Variants in SNX11 observed in about 807,000 individuals in gnomAD.
The protein encoded by SNX11 is sorting nexin 11.
Under a neutral mutation model 30.7 loss-of-function variants are expected in SNX11, and 19 were observed. The observed-to-expected ratio is 0.62, with a 90% CI of 0.43 to 0.91. The LOEUF is 0.91. Ranked by LOEUF, SNX11 falls within the 40% of genes least tolerant of loss-of-function variation. The probability of loss-of-function intolerance (pLI) is 0.00; values close to 1 mark genes in which losing one functional copy is unlikely to be tolerated. For synonymous variants in SNX11, 112 were observed against 119.0 expected, an observed-to-expected ratio of 0.94 and a Z score of 0.38; for missense variants, 302 against 326.7, an observed-to-expected ratio of 0.92 and a Z score of 0.58.
chr17:48,118,080 A>G (rs1193291664), intron 4 of SNX11, among the ~76,000 whole-genome samples: 3 of 152,206 alleles, frequency 2.0e-5, no homozygotes, highest in Non-Finnish European at 4.4e-5. Context: ...CATGGGTTTT[A>G]TAGTCATAGA....
Position 48,112,667 on chromosome 17 carries a change from A to T in SNX11, c.129+7A>T. 6.3e-7 allele frequency: 1 copy of T among 1,598,926 alleles called. No homozygotes were observed. Among genetic ancestry groups the T allele is most frequent in the Non-Finnish European group, 8.6e-7 (1 of 1,166,746 alleles). On this transcript the variant is annotated splice_region_variant and intron_variant, in intron 3 of 6. Coordinates refer to ENST00000359238, the MANE Select transcript of SNX11 (RefSeq NM_013323.3). The stretch of plus-strand genomic sequence containing the variant: ...TTATAAGATATTCCTCCATGTGAGT[A>T]CATCAAGCTTCTGTATTGGGGTCAG...
intron 2 of SNX11, 74 bp downstream of exon 2, chr17:48,112,159 A>G: frequency 7.7e-7 from 1 of 1,292,490 alleles, no homozygotes; most frequent in Non-Finnish European, 1.1e-6. Context: ...GGACATAGAG[A>G]TGCAAATCAT....
intron 4 of SNX11, among the ~76,000 whole-genome samples, chr17:48,114,519 ACAATCTCGGCTTACTG>A (rs1272364109): frequency 7.5e-6 from 1 of 132,810 alleles, no homozygotes; most frequent in East Asian, 2.2e-4. Context: ...GTGCAGTGGT[ACAATCTCGGCTTACTG>A]CAACCTCCGC....
At chr17:48,118,936 G>A in intron 5 of SNX11, 38 bp from the exon 6 acceptor site, 1 of 1,600,866 alleles carries the variant, frequency 6.2e-7, no homozygotes, top group South Asian at 1.1e-5. Context: ...AGTTCCTCAG[G>A]GTGATGCTCT....
chr17:48,111,300 G>A (rs2063489532), intron 1 of SNX11, among the ~76,000 whole-genome samples: 1 of 152,090 alleles, frequency 6.6e-6, no homozygotes, highest in Admixed American at 6.6e-5. Flanking sequence ...GGTGTTTGTG[G>A]GGACTTGGTT....
rs2063509539 is a variant in SNX11, at chr17:48,113,335, G to A, written c.164G>A (p.Cys55Tyr). 6.2e-7 allele frequency: 1 copy of A among 1,613,566 alleles called. No individual in the cohort carries two copies. Among genetic ancestry groups the A allele is most frequent in the South Asian group, 1.1e-5 (1 of 91,078 alleles). ...AAAGCCTTTACTGCCAAGACTTCCT[G>A]TGTGCGGCGCCGCTACCGTGAGTTC... ...NSKAFTAKTSCVRRRYREFVW... is the reference protein window; with the variant it reads ...NSKAFTAKTSYVRRRYREFVW... The change falls in exon 4 of 7, where the codon TGT (cysteine) becomes TAT (tyrosine). Residue 55 changes from cysteine (C) to tyrosine (Y), a missense_variant. Cys to Tyr is a radical substitution (Grantham distance 194). Coordinates refer to ENST00000359238, the MANE Select transcript of SNX11 (RefSeq NM_013323.3).
chr17:48,116,187 G>A (rs1163157283), intron 4 of SNX11, among the ~76,000 whole-genome samples: 1 of 152,066 alleles, frequency 6.6e-6, no homozygotes, highest in Non-Finnish European at 1.5e-5. Flanking sequence ...GAACCTGGGA[G>A]GCAGAGGTTG....
intron 4 of SNX11, among the ~76,000 whole-genome samples, chr17:48,117,386 T>C (rs991474223): frequency 3.0e-4 from 45 of 151,658 alleles, no homozygotes; most frequent in African/African-American, 1.1e-3. Flanking sequence ...TCCCGAGTAG[T>C]TGGGACTACA....
intron 4 of SNX11, among the ~76,000 whole-genome samples, chr17:48,115,119 T>C (rs1167776033): frequency 2.0e-5 from 3 of 147,604 alleles, no homozygotes; most frequent in Non-Finnish European, 3.0e-5. Context: ...TGGAGTACAA[T>C]GGTGTGATCT....
intron 2 of SNX11, 76 bp from the exon 3 acceptor site, chr17:48,112,498 G>A: frequency 1.1e-6 from 1 of 943,414 alleles, no homozygotes; most frequent in Non-Finnish European, 1.7e-6. Context: ...GTGTTGGGTG[G>A]AAAAATCTAG....
chr17:48,115,845 G>T (rs1012393586), intron 4 of SNX11, among the ~76,000 whole-genome samples: 1 of 152,132 alleles, frequency 6.6e-6, no homozygotes, highest in Non-Finnish European at 1.5e-5. Context: ...TTGTCCTGGG[G>T]CAGGCCCTAA....
intron 6 of SNX11, among the ~76,000 whole-genome samples, chr17:48,119,925 T>TC (rs1040655550): frequency 6.6e-6 from 1 of 151,846 alleles, no homozygotes; most frequent in South Asian, 2.1e-4. Context: ...TGTCCTTCCC[T>TC]CCCCCCCAGC....
rs764200567 is a variant in SNX11, at chr17:48,119,201, C to G, written c.539+15C>G. ...CAGCCTAAGAGGTAACTGGAGTACT[C>G]TTTGAGATAGCAGGGGCTAGGTTTG... On this transcript the variant is annotated intron_variant, in intron 6 of 6. Transcript: ENST00000359238. The G allele has an allele frequency of 6.3e-7, 1 of 1,597,334 alleles. No homozygotes were observed. Among genetic ancestry groups the G allele is most frequent in the Non-Finnish European group, 8.6e-7 (1 of 1,165,734 alleles).
rs185163876 is a variant in SNX11, at chr17:48,111,752, G to A, written c.-13-279G>A. 7.6e-4 allele frequency among the ~76,000 whole-genome samples: 116 copies of A among 152,186 alleles called. 3 individuals are homozygous for A. In the East Asian group the frequency reaches 0.018, roughly 23 times the overall value. On this transcript the variant is annotated intron_variant, in intron 1 of 6. Coordinates refer to ENST00000359238, the MANE Select transcript of SNX11 (RefSeq NM_013323.3). Reference sequence around the variant, plus strand: ...ATCTGGACCCGCCTGTTCTGGCTGCGTGTGACAAACTTTCTGTAGACTCCA... The same window carrying A: ...ATCTGGACCCGCCTGTTCTGGCTGCATGTGACAAACTTTCTGTAGACTCCA...
At chr17:48,109,355 G>T (rs932636942) in intron 1 of SNX11, among the ~76,000 whole-genome samples, 1 of 149,728 alleles carries the variant, frequency 6.7e-6, no homozygotes, top group African/African-American at 2.5e-5. Flanking sequence ...CACCTCCTGG[G>T]TTCAACTGAT....
chr17:48,118,053 C>G (rs182680505), intron 4 of SNX11, among the ~76,000 whole-genome samples: 1 of 152,170 alleles, frequency 6.6e-6, no homozygotes, highest in Non-Finnish European at 1.5e-5. Context: ...ATCAAACAGA[C>G]AAAAATAATG....
intron 6 of SNX11, 66 bp downstream of exon 6, chr17:48,119,252 C>A: frequency 1.6e-6 from 2 of 1,240,920 alleles, no homozygotes; most frequent in East Asian, 2.3e-5. Flanking sequence ...GAGAGGTGTC[C>A]ATTTGTTAGG....
chr17:48,111,040 A>G (rs761885550), intron 1 of SNX11: 2 of 964,834 alleles, frequency 2.1e-6, no homozygotes, highest in Non-Finnish European at 2.5e-6. Flanking sequence ...GAATCTTTAC[A>G]AAGGAGCAGA....
chr17:48,115,356 C>T (rs551832335), intron 4 of SNX11, among the ~76,000 whole-genome samples: 3 of 152,314 alleles, frequency 2.0e-5, no homozygotes, highest in South Asian at 2.1e-4. Context: ...GCCACCGCAC[C>T]CGGCCAGATA....
Sources: gnomAD v4.1 joint callset for allele counts (sites outside exome capture counted in the v4.1 genomes callset) on GRCh38, gnomAD v4.1.1 for gene constraint, MANE v1.5 for transcripts, NCBI Gene and HGNC (gene_info 2026-07-23, HGNC 2026-07-21) for gene names.